RANBP2: variants seen among roughly 807,000 people sequenced by gnomAD.
The protein encoded by RANBP2 is E3 SUMO-protein ligase RanBP2.
In RANBP2, 57 loss-of-function variants were observed where a neutral mutation model predicts 303.6. The observed-to-expected ratio is 0.19, with a 90% CI of 0.15 to 0.23. The LOEUF is 0.23. Ranked by LOEUF, RANBP2 falls within the 10% of genes least tolerant of loss-of-function variation. RANBP2 has a pLI of 1.00. For missense variants in RANBP2, 3,138 were observed against 3,780.8 expected (o/e 0.83, Z 4.46); for synonymous variants, 1,167 against 1,301.5 (o/e 0.90, Z 2.23).
the RANBP2 span, among the ~76,000 whole-genome samples, chr2:109,432,861 A>G: frequency 2.0e-5 from 3 of 152,166 alleles, no homozygotes; most frequent in Non-Finnish European, 4.4e-5. Flanking sequence ...TTTGCACTCA[A>G]CTCCTTGGCT....
chr2:109,462,512 G>A, the RANBP2 span, among the ~76,000 whole-genome samples: 1 of 152,154 alleles, frequency 6.6e-6, no homozygotes, highest in Non-Finnish European at 1.5e-5. Flanking sequence ...AAACAGGAGA[G>A]TTGAATAGGG....
chr2:108,822,326 T>C, the RANBP2 span, among the ~76,000 whole-genome samples: 13 of 152,094 alleles, frequency 8.5e-5, no homozygotes, highest in African/African-American at 3.1e-4. Context: ...ATTGACAGAA[T>C]TGAAGAAATA....
the RANBP2 span, chr2:109,129,814 C>T: frequency 6.5e-7 from 1 of 1,537,370 alleles, no homozygotes; most frequent in Non-Finnish European, 8.7e-7. Flanking sequence ...GCGCCACGAG[C>T]TGCGCTGCCC....
At chr2:109,155,789 G>A in the RANBP2 span, among the ~76,000 whole-genome samples, 1 of 152,210 alleles carries the variant, frequency 6.6e-6, no homozygotes, top group East Asian at 1.9e-4. Context: ...GTGCTGGTGT[G>A]TGTGAATAAC....
At chr2:109,599,202 A>G in the RANBP2 span, among the ~76,000 whole-genome samples, 2 of 152,170 alleles carry the variant, frequency 1.3e-5, no homozygotes, top group African/African-American at 4.8e-5. Context: ...TCACACCTGT[A>G]ACCCCAGCAC....
At chr2:109,578,738 G>T in the RANBP2 span, among the ~76,000 whole-genome samples, 3 of 151,740 alleles carry the variant, frequency 2.0e-5, no homozygotes, top group Non-Finnish European at 4.4e-5. Flanking sequence ...CTGCACTCTA[G>T]CCTGGCCAAC....
the RANBP2 span, among the ~76,000 whole-genome samples, chr2:109,474,699 A>G: frequency 5.3e-5 from 8 of 152,328 alleles, 1 homozygote; most frequent in African/African-American, 1.9e-4. Context: ...TCTCCAAAGC[A>G]TCGCAGATAC....
At chr2:108,902,363 G>A in the RANBP2 span, among the ~76,000 whole-genome samples, 3 of 152,058 alleles carry the variant, frequency 2.0e-5, no homozygotes, top group African/African-American at 7.2e-5. Context: ...GTGACATAGC[G>A]AGACTCCATC....
the RANBP2 span, among the ~76,000 whole-genome samples, chr2:109,122,230 T>C: frequency 3.3e-5 from 5 of 152,154 alleles, no homozygotes; most frequent in Admixed American, 6.5e-5. Context: ...CAGAAGCAGA[T>C]CTTAAGGGAA....
chr2:109,240,692 G>A, the RANBP2 span, among the ~76,000 whole-genome samples: 2 of 152,112 alleles, frequency 1.3e-5, no homozygotes, highest in East Asian at 3.9e-4. Context: ...AGGTGAGAAT[G>A]CCTTCATCTT....
At chr2:109,501,281 T>A in the RANBP2 span, among the ~76,000 whole-genome samples, 1 of 152,144 alleles carries the variant, frequency 6.6e-6, no homozygotes. Flanking sequence ...TAGATCAGCG[T>A]CTAAAAGGAC....
chr2:108,990,275 C>CA, the RANBP2 span, among the ~76,000 whole-genome samples: 1 of 151,288 alleles, frequency 6.6e-6, no homozygotes, highest in Non-Finnish European at 1.5e-5. Context: ...ACTAAAAATA[C>CA]AAAAAATTAG....
At chr2:108,737,870 C>CCAT (rs34737515) in intron 6 of RANBP2, among the ~76,000 whole-genome samples, 24,497 of 151,276 alleles carry the variant, frequency 0.16, 2,042 homozygotes, top group South Asian at 0.19. Context: ...CCCACCACCA[C>CCAT]GCTCCGCTAA....
At chr2:108,883,481 G>A in the RANBP2 span, 4 of 152,292 alleles carry the variant, frequency 2.6e-5, no homozygotes, top group Non-Finnish European at 4.4e-5. Flanking sequence ...TAACCAGCAA[G>A]GGCAGGGCTG....
At chr2:109,493,427 C>A in the RANBP2 span, among the ~76,000 whole-genome samples, 1 of 151,390 alleles carries the variant, frequency 6.6e-6, no homozygotes, top group Non-Finnish European at 1.5e-5. Flanking sequence ...CATGCAAACA[C>A]AGACTACACA....
At chr2:109,462,505 C>T in the RANBP2 span, among the ~76,000 whole-genome samples, 1 of 152,180 alleles carries the variant, frequency 6.6e-6, no homozygotes, top group Non-Finnish European at 1.5e-5. Flanking sequence ...ACCGGCCAAA[C>T]AGGAGAGTTG....
At chr2:109,520,598 CAAAAAAAAAAAAAAAAAAA>C in the RANBP2 span, among the ~76,000 whole-genome samples, 5 of 50,102 alleles carry the variant, frequency 1.0e-4, no homozygotes, top group Non-Finnish European at 1.6e-4. Context: ...GACTCCATCT[CAAAAAAAAAAAAAAAAAAA>C]AAAAAAAGAA....
chr2:109,264,755 C>T, the RANBP2 span, among the ~76,000 whole-genome samples: 1 of 152,186 alleles, frequency 6.6e-6, no homozygotes, highest in Non-Finnish European at 1.5e-5. Context: ...GCCCACTGGG[C>T]GGGCATCTCA....
the RANBP2 span, among the ~76,000 whole-genome samples, chr2:109,000,258 G>A: frequency 6.6e-6 from 1 of 152,228 alleles, no homozygotes; most frequent in Non-Finnish European, 1.5e-5. Context: ...CGGGCACGGT[G>A]GCTCATGTCT....
Sources: gnomAD v4.1 joint callset for allele counts (sites outside exome capture counted in the v4.1 genomes callset) on GRCh38, gnomAD v4.1.1 for gene constraint, MANE v1.5 for transcripts, NCBI Gene and HGNC (gene_info 2026-07-23, HGNC 2026-07-21) for gene names.